RBFOX1: variants seen among roughly 807,000 people sequenced by gnomAD.
The protein encoded by RBFOX1 is RNA binding protein fox-1 homolog 1.
RBFOX1 carries 8 observed loss-of-function variants against 57.7 expected under a neutral mutation model. The ratio of observed to expected loss-of-function variants is 0.14; its 90% CI spans 0.08 to 0.25. The LOEUF (loss-of-function observed/expected upper bound fraction) is 0.25. Ranked by LOEUF, RBFOX1 falls within the 10% of genes least tolerant of loss-of-function variation. The probability of loss-of-function intolerance (pLI) is 1.00; values close to 1 mark genes in which losing one functional copy is unlikely to be tolerated. For synonymous variants in RBFOX1, 326 were observed against 222.4 expected, an observed-to-expected ratio of 1.47 and a Z score of -4.15; for missense variants, 611 against 548.5, an observed-to-expected ratio of 1.11 and a Z score of -1.14.
intron 5 of RBFOX1, among the ~76,000 whole-genome samples, chr16:7,569,379 T>C (rs1214670869): frequency 6.6e-6 from 1 of 152,150 alleles, no homozygotes. Flanking sequence ...CCACTGTCAT[T>C]CTTGGGCTCA....
intron 3 of RBFOX1, among the ~76,000 whole-genome samples, chr16:6,674,949 A>G (rs1363453288): frequency 6.6e-6 from 1 of 151,994 alleles, no homozygotes; most frequent in Non-Finnish European, 1.5e-5. Flanking sequence ...TGTGTCACCC[A>G]GGCTGGAGTG....
intron 2 of RBFOX1, among the ~76,000 whole-genome samples, chr16:6,487,336 C>G (rs2095507331): frequency 6.6e-6 from 1 of 152,070 alleles, no homozygotes; most frequent in South Asian, 2.1e-4. Context: ...ATAAAAATTT[C>G]AAAGTGTTCT....
At chr16:7,368,036 G>T (rs1034956870) in intron 4 of RBFOX1, among the ~76,000 whole-genome samples, 7 of 152,076 alleles carry the variant, frequency 4.6e-5, no homozygotes, top group African/African-American at 1.4e-4. Context: ...GGAAGCCGAG[G>T]ATGGTGAATC....
chr16:7,188,662 A>T (rs1455738982), intron 4 of RBFOX1, among the ~76,000 whole-genome samples: 1 of 152,158 alleles, frequency 6.6e-6, no homozygotes, highest in African/African-American at 2.4e-5. Flanking sequence ...CATTATCCTG[A>T]GTTGAACATG....
intron 1 of RBFOX1, among the ~76,000 whole-genome samples, chr16:6,131,598 G>A (rs2096630077): frequency 6.6e-6 from 1 of 152,146 alleles, no homozygotes; most frequent in African/African-American, 2.4e-5. Context: ...AAACTGTGTG[G>A]ACAGAAGTTG....
chr16:5,423,967 CG>C (rs2067434401), intron 1 of RBFOX1, among the ~76,000 whole-genome samples: 1 of 152,126 alleles, frequency 6.6e-6, no homozygotes, highest in African/African-American at 2.4e-5. Context: ...ACCCGAAGCT[CG>C]GGGCTTTGCA....
chr16:7,593,519 C>G (rs774363484), intron 7 of RBFOX1, among the ~76,000 whole-genome samples: 8 of 152,178 alleles, frequency 5.3e-5, no homozygotes, highest in Non-Finnish European at 7.3e-5. Flanking sequence ...ATAATTCAGG[C>G]TTATCCTAAT....
At chr16:7,222,041 T>C (rs532193657) in intron 4 of RBFOX1, among the ~76,000 whole-genome samples, 1 of 152,340 alleles carries the variant, frequency 6.6e-6, no homozygotes, top group African/African-American at 2.4e-5. Flanking sequence ...CTTAAAATTT[T>C]TCCGTGAAGA....
intron 3 of RBFOX1, among the ~76,000 whole-genome samples, chr16:6,892,801 T>G (rs963880942): frequency 7.2e-6 from 1 of 139,516 alleles, no homozygotes; most frequent in South Asian, 2.3e-4. Context: ...TCTCTCTCTC[T>G]CTCTCTCTCT....
intron 9 of RBFOX1, 85 bp downstream of exon 9, chr16:7,597,516 C>G: frequency 8.2e-7 from 1 of 1,217,620 alleles, no homozygotes; most frequent in Non-Finnish European, 1.2e-6. Flanking sequence ...TTACAACAAG[C>G]TGTGTTTGCC....
intron 3 of RBFOX1, among the ~76,000 whole-genome samples, chr16:5,763,689 CG>C (rs969331944): frequency 1.3e-5 from 2 of 152,188 alleles, no homozygotes; most frequent in African/African-American, 4.8e-5. Context: ...ATTTGAAAAG[CG>C]ATTTAGCCCC....
chr16:5,486,610 C>T (rs2151658236), intron 2 of RBFOX1, among the ~76,000 whole-genome samples: 1 of 152,226 alleles, frequency 6.6e-6, no homozygotes, highest in Middle Eastern at 3.4e-3. Flanking sequence ...CAGGGACATG[C>T]CAGAACATCT....
intron 2 of RBFOX1, among the ~76,000 whole-genome samples, chr16:6,513,198 C>G (rs532651087): frequency 6.6e-6 from 1 of 152,264 alleles, no homozygotes; most frequent in Admixed American, 6.5e-5. Flanking sequence ...AGTAAGAATG[C>G]CTAGCATATT....
chr16:5,251,278 T>A (rs956279596), intron 1 of RBFOX1, among the ~76,000 whole-genome samples: 14 of 152,170 alleles, frequency 9.2e-5, no homozygotes, highest in African/African-American at 3.4e-4. Flanking sequence ...AAAAGTAAAA[T>A]GGGGATAATG....
At chr16:7,018,106 A>G (rs2094006323) in intron 3 of RBFOX1, among the ~76,000 whole-genome samples, 1 of 151,976 alleles carries the variant, frequency 6.6e-6, no homozygotes, top group Non-Finnish European at 1.5e-5. Context: ...CTCTCTGTGG[A>G]GCATCTAGGT....
chr16:6,418,813 G>A (rs2093697350), intron 2 of RBFOX1, among the ~76,000 whole-genome samples: 1 of 152,160 alleles, frequency 6.6e-6, no homozygotes, highest in Admixed American at 6.5e-5. Flanking sequence ...ACAGGCATGA[G>A]CCACCACGTC....
chr16:5,277,232 C>G (rs530070605), intron 1 of RBFOX1, among the ~76,000 whole-genome samples: 1 of 151,984 alleles, frequency 6.6e-6, no homozygotes, highest in African/African-American at 2.4e-5. Context: ...TGCATGTTCT[C>G]ACTCATAAGT....
chr16:7,352,345 G>T (rs556147955), intron 4 of RBFOX1, among the ~76,000 whole-genome samples: 1 of 152,144 alleles, frequency 6.6e-6, no homozygotes, highest in Admixed American at 6.5e-5. Context: ...TGACCAAGTC[G>T]GAGAGAACTG....
rs141668074 is a variant in RBFOX1 at position 6,746,379 on chromosome 16, A to T, written c.-16+91729A>T. 2.6e-3 allele frequency among the ~76,000 whole-genome samples: 396 copies of T among 152,314 alleles called. 4 individuals carry two copies. The highest frequency in any genetic ancestry group is 9.1e-3 in the African/African-American group (377 of 41,564). Reference sequence around the variant, plus strand: ...TGCAGACTTAATGGAAAGCTACAATAATCAAGAAAGTGGTGCGCTGGGCAT... The same window carrying T: ...TGCAGACTTAATGGAAAGCTACAATTATCAAGAAAGTGGTGCGCTGGGCAT... On this transcript the variant is annotated intron_variant, in intron 3 of 15. Transcript: ENST00000550418.
Sources: allele counts gnomAD v4.1 joint callset (sites outside exome capture counted in the v4.1 genomes callset), GRCh38; gene constraint gnomAD v4.1.1; transcripts MANE v1.5; gene names NCBI Gene and HGNC (gene_info 2026-07-23, HGNC 2026-07-21).